The following ELAPOR1 variants were observed in gnomAD, a reference collection of about 807,000 sequenced individuals.
ELAPOR1 encodes endosome/lysosome-associated apoptosis and autophagy regulator 1.
Under a neutral mutation model 119.7 loss-of-function variants are expected in ELAPOR1, and 77 were observed. That is an observed-to-expected ratio of 0.64 (90% CI 0.54 to 0.78). ELAPOR1 has a LOEUF of 0.78. Ranked by LOEUF, ELAPOR1 falls within the 30% of genes least tolerant of loss-of-function variation. The pLI, the probability that ELAPOR1 is intolerant of heterozygous loss-of-function variation, is 0.00. For synonymous variants in ELAPOR1, 481 were observed against 487.2 expected (o/e 0.99, Z 0.17); for missense variants, 1,115 against 1,270.4 (o/e 0.88, Z 1.86).
At chr1:109,144,230 T>C (rs1470949144) in intron 1 of ELAPOR1, among the ~76,000 whole-genome samples, 1 of 150,672 alleles carries the variant, frequency 6.6e-6, no homozygotes, top group Non-Finnish European at 1.5e-5. Context: ...CGGCTAATTT[T>C]TTGTAGAGAC....
chr1:109,201,350 CAT>C (rs1409764904), intron 21 of ELAPOR1: 1 of 456,438 alleles, frequency 2.2e-6, no homozygotes, highest in South Asian at 1.5e-5. Context: ...GGAGCTGAAT[CAT>C]AGTTCAGTCT....
intron 3 of ELAPOR1, among the ~76,000 whole-genome samples, chr1:109,166,225 A>AT (rs1223673840): frequency 4.0e-5 from 6 of 149,306 alleles, no homozygotes; most frequent in African/African-American, 9.9e-5. Flanking sequence ...ATTTTTTTGT[A>AT]TTTTTTTAGT....
chr1:109,161,768 C>G (rs643197), intron 1 of ELAPOR1, 126 bp from the exon 2 acceptor site: 1,146,887 of 1,154,980 alleles, frequency 0.99, 569,674 homozygotes, highest in Non-Finnish European at 1. Flanking sequence ...GCTCCCTGCC[C>G]GGGGTCCCAG....
chr1:109,172,020 C>T lies in ELAPOR1; in HGVS notation c.615+7C>T, dbSNP rs549944978. 1 of 1,614,126 alleles carries T rather than the reference C, an allele frequency of 6.2e-7. No homozygotes were observed. Among genetic ancestry groups the T allele is most frequent in the Non-Finnish European group, 8.5e-7 (1 of 1,180,006 alleles). On this transcript the variant is annotated splice_region_variant and intron_variant, in intron 4 of 21. Transcript: ENST00000369939. Reference sequence around the variant, plus strand: ...CATCATCTTTGAGTTTTTCGTAAGCCCCTGGCCAAGGTGGAGGGTGGGAGC... The same window carrying T: ...CATCATCTTTGAGTTTTTCGTAAGCTCCTGGCCAAGGTGGAGGGTGGGAGC...
intron 1 of ELAPOR1, among the ~76,000 whole-genome samples, chr1:109,147,804 CTTTAT>C (rs1241616271): frequency 1.0e-4 from 15 of 150,740 alleles, no homozygotes; most frequent in Non-Finnish European, 2.2e-4. Context: ...TTTTTATTTA[CTTTAT>C]TTTATTATTA....
intron 7 of ELAPOR1, 127 bp downstream of exon 7, chr1:109,173,964 C>A: frequency 1.0e-6 from 1 of 1,003,932 alleles, no homozygotes; most frequent in South Asian, 1.6e-5. Flanking sequence ...CCCTTCCTTT[C>A]TGGATCCTGG....
In ELAPOR1 at chr1:109,162,000, A is replaced by G; in HGVS notation, c.260A>G (p.Lys87Arg). The G allele has an allele frequency of 6.2e-7, 1 of 1,612,588 alleles. No homozygotes were observed. The highest frequency in any genetic ancestry group is 8.5e-7 in the Non-Finnish European group (1 of 1,178,852). Residue 87 changes from lysine to arginine, a missense_variant, in exon 2 of 22, where the codon AAG becomes AGG. Physicochemically the swap from Lys to Arg is conservative, Grantham distance 26. Transcript: ENST00000369939. The part of the protein sequence containing the change: ...GLCTSLPDPI[K>R]GTECSFSCNA... The stretch of plus-strand genomic sequence containing the variant: ...TGCACCAGCCTGCCTGACCCCATCA[A>G]GGGCACCGAGTGCTGTAAGCAGCTA...
chr1:109,180,797 C>G (rs1380215858), intron 7 of ELAPOR1, among the ~76,000 whole-genome samples: 1 of 151,964 alleles, frequency 6.6e-6, no homozygotes, highest in Non-Finnish European at 1.5e-5. Context: ...AGACTCCTGT[C>G]TCTACAAAAA....
At chr1:109,145,198 T>C (rs1055070836) in intron 1 of ELAPOR1, among the ~76,000 whole-genome samples, 12 of 152,226 alleles carry the variant, frequency 7.9e-5, no homozygotes, top group African/African-American at 2.6e-4. Context: ...TTCTGCCATG[T>C]GAGGATGCAG....
chr1:109,161,170 G>T lies in ELAPOR1; in HGVS notation c.154-724G>T, dbSNP rs1176594899. On this transcript the variant is annotated intron_variant, in intron 1 of 21. Coordinates refer to ENST00000369939, the MANE Select transcript of ELAPOR1 (RefSeq NM_020775.5). Reference sequence around the variant, plus strand: ...CTCATGCCTGTAATCCCAGCATTTTGGGAGGCCAAGGCAGGTGGATCACAA... The same window carrying T: ...CTCATGCCTGTAATCCCAGCATTTTTGGAGGCCAAGGCAGGTGGATCACAA... Among the ~76,000 whole-genome samples, 3 of 152,168 alleles carry T rather than the reference G, an allele frequency of 2.0e-5. No individual in the cohort carries two copies. The East Asian group carries it at 5.8e-4, about 29-fold the overall frequency.
chr1:109,165,218 G>A (rs916193400), intron 3 of ELAPOR1, among the ~76,000 whole-genome samples: 2 of 152,152 alleles, frequency 1.3e-5, no homozygotes, highest in Non-Finnish European at 2.9e-5. Context: ...CTTGAGCCTA[G>A]GAGTTCAAGG....
intron 8 of ELAPOR1, chr1:109,187,969 G>A: frequency 7.6e-7 from 1 of 1,313,980 alleles, no homozygotes; most frequent in South Asian, 2.5e-5. Flanking sequence ...CATTCATTTG[G>A]CAGATAGTGA....
At chr1:109,143,905 C>T (rs2101004116) in intron 1 of ELAPOR1, among the ~76,000 whole-genome samples, 1 of 151,696 alleles carries the variant, frequency 6.6e-6, no homozygotes, top group South Asian at 2.1e-4. Context: ...CAGCAATCCA[C>T]CCGCCTCAGC....
intron 1 of ELAPOR1, among the ~76,000 whole-genome samples, chr1:109,146,998 CG>C (rs1232899918): frequency 6.6e-6 from 1 of 151,546 alleles, no homozygotes; most frequent in East Asian, 1.9e-4. Context: ...CTCTGCCACC[CG>C]GATTCAAGTG....
At chr1:109,124,283 A>G (rs1174659464) in intron 1 of ELAPOR1, among the ~76,000 whole-genome samples, 12 of 151,912 alleles carry the variant, frequency 7.9e-5, no homozygotes, top group Admixed American at 7.9e-4. Context: ...AGCAGTGACT[A>G]TTACAGGTGT....
intron 1 of ELAPOR1, among the ~76,000 whole-genome samples, chr1:109,140,547 G>A (rs1649766414): frequency 2.6e-5 from 4 of 152,274 alleles, no homozygotes; most frequent in South Asian, 4.1e-4. Context: ...AGCAAAGCAC[G>A]GGAAACCAGT....
chr1:109,127,215 C>CTTT (rs371961969), intron 1 of ELAPOR1, among the ~76,000 whole-genome samples: 3 of 129,014 alleles, frequency 2.3e-5, no homozygotes, highest in African/African-American at 5.7e-5. Flanking sequence ...TTTTTCTTTT[C>CTTT]TTTTTTTTTT....
At chr1:109,198,723 C>T in intron 18 of ELAPOR1, 49 bp downstream of exon 18, 12 of 1,482,272 alleles carry the variant, frequency 8.1e-6, no homozygotes, top group Non-Finnish European at 1.1e-5. Flanking sequence ...CCCTTGAAGT[C>T]ATTCCATCCT....
intron 1 of ELAPOR1, among the ~76,000 whole-genome samples, chr1:109,133,246 A>G (rs1326516199): frequency 2.6e-5 from 4 of 152,220 alleles, no homozygotes; most frequent in Non-Finnish European, 5.9e-5. Context: ...AAAAAAGTAC[A>G]ACTTAGAATG....
Sources: allele counts gnomAD v4.1 joint callset (sites outside exome capture counted in the v4.1 genomes callset), GRCh38; gene constraint gnomAD v4.1.1; transcripts MANE v1.5; gene names NCBI Gene and HGNC (gene_info 2026-07-23, HGNC 2026-07-21).